UVRAG: variants seen among roughly 807,000 people sequenced by gnomAD.
UVRAG encodes UV radiation resistance associated, also known as UV radiation resistance-associated gene protein.
Under a neutral mutation model 78.0 loss-of-function variants are expected in UVRAG, and 19 were observed. That is an observed-to-expected ratio of 0.24 (90% CI 0.17 to 0.36). UVRAG has a LOEUF of 0.36. UVRAG is among the 10% of genes least tolerant of loss of function. The pLI, the probability that UVRAG is intolerant of heterozygous loss-of-function variation, is 1.00. For missense variants in UVRAG, 740 were observed against 853.8 expected, an observed-to-expected ratio of 0.87 and a Z score of 1.66; for synonymous variants, 323 against 324.6, an observed-to-expected ratio of 1.00 and a Z score of 0.05.
chr11:76,092,287 G>T (rs182149193), intron 13 of UVRAG, among the ~76,000 whole-genome samples: 3 of 152,066 alleles, frequency 2.0e-5, no homozygotes, highest in Non-Finnish European at 4.4e-5. Context: ...GAATAGTGCC[G>T]CAGTAAACAT....
chr11:76,067,104 T>C (rs1482255025), intron 13 of UVRAG, among the ~76,000 whole-genome samples: 1 of 152,140 alleles, frequency 6.6e-6, no homozygotes. Context: ...TTTTTTTAAT[T>C]TGTTTTTTAT....
At chr11:76,135,807 C>T (rs148919034) in intron 14 of UVRAG, among the ~76,000 whole-genome samples, 4 of 152,240 alleles carry the variant, frequency 2.6e-5, no homozygotes, top group Admixed American at 1.3e-4. Context: ...CTAGTGCCTC[C>T]GAACACACGG....
chr11:76,065,865 A>G, intron 13 of UVRAG, 77 bp downstream of exon 13: 1 of 1,360,648 alleles, frequency 7.3e-7, no homozygotes, highest in Non-Finnish European at 1.0e-6. Context: ...TTTTTTCTTT[A>G]TAAATATGCA....
chr11:75,815,604 C>A, intron 1 of UVRAG, 80 bp downstream of exon 1: 1 of 945,454 alleles, frequency 1.1e-6, no homozygotes, highest in Non-Finnish European at 1.4e-6. Context: ...GGGCTGACCC[C>A]GCGAGCCGGG....
intron 14 of UVRAG, among the ~76,000 whole-genome samples, chr11:76,129,488 A>G (rs761276351): frequency 1.8e-4 from 27 of 152,204 alleles, no homozygotes; most frequent in Non-Finnish European, 3.2e-4. Context: ...AAGTTCTGAT[A>G]TCAGAAATTG....
chr11:75,991,212 C>A (rs1051546038), intron 8 of UVRAG, among the ~76,000 whole-genome samples: 2 of 152,168 alleles, frequency 1.3e-5, no homozygotes, highest in Admixed American at 6.5e-5. Context: ...TTTGTACATA[C>A]AAGGCCTGCT....
At chr11:75,863,775 T>C (rs1217595499) in intron 3 of UVRAG, among the ~76,000 whole-genome samples, 5 of 152,218 alleles carry the variant, frequency 3.3e-5, no homozygotes, top group Admixed American at 2.6e-4. Flanking sequence ...AAAACACTTG[T>C]AGGTCCCTTT....
At chr11:76,114,476 C>A (rs186463730) in intron 13 of UVRAG, among the ~76,000 whole-genome samples, 1 of 152,158 alleles carries the variant, frequency 6.6e-6, no homozygotes, top group Non-Finnish European at 1.5e-5. Context: ...TTGAACCATG[C>A]GGCCCTGGAT....
chr11:75,913,735 T>C (rs1031108576), intron 6 of UVRAG, among the ~76,000 whole-genome samples: 2 of 152,194 alleles, frequency 1.3e-5, no homozygotes, highest in Non-Finnish European at 2.9e-5. Context: ...TTTTTGTAGA[T>C]CCTTTTAATA....
At chr11:76,061,070 G>C (rs1199238467) in intron 12 of UVRAG, among the ~76,000 whole-genome samples, 1 of 152,198 alleles carries the variant, frequency 6.6e-6, no homozygotes, top group Admixed American at 6.5e-5. Context: ...TCTAGCTAAG[G>C]GATTGTAAAT....
intron 6 of UVRAG, among the ~76,000 whole-genome samples, chr11:75,952,580 T>C (rs552163763): frequency 4.6e-5 from 7 of 152,132 alleles, no homozygotes; most frequent in South Asian, 4.1e-4. Flanking sequence ...ACCAACCTTG[T>C]ATAGTATTTG....
chr11:75,923,094 G>T (rs1948015580), intron 6 of UVRAG, among the ~76,000 whole-genome samples: 1 of 148,612 alleles, frequency 6.7e-6, no homozygotes, highest in Non-Finnish European at 1.5e-5. Context: ...GAGTGCAATG[G>T]CTCGATCTTG....
intron 8 of UVRAG, among the ~76,000 whole-genome samples, chr11:76,003,374 C>T (rs1215283523): frequency 7.3e-5 from 10 of 137,448 alleles, no homozygotes; most frequent in Non-Finnish European, 1.1e-4. Context: ...CAGGTTCAAG[C>T]GATTTCCAGC....
At chr11:75,837,954 T>A (rs1945820893) in intron 1 of UVRAG, among the ~76,000 whole-genome samples, 2 of 152,188 alleles carry the variant, frequency 1.3e-5, no homozygotes, top group Admixed American at 6.5e-5. Flanking sequence ...AGTTTGAGGC[T>A]GCAGTGGGCT....
chr11:76,137,500 A>C (rs1212106637), intron 14 of UVRAG: 1 of 455,562 alleles, frequency 2.2e-6, no homozygotes, highest in Non-Finnish European at 4.4e-6. Context: ...ATCTCATAGA[A>C]CTAAAAATGG....
intron 11 of UVRAG, among the ~76,000 whole-genome samples, chr11:76,011,352 G>A (rs1950047126): frequency 1.3e-5 from 2 of 152,160 alleles, no homozygotes; most frequent in South Asian, 2.1e-4. Context: ...GGCCGGGTGC[G>A]GTGGCTCACG....
intron 12 of UVRAG, among the ~76,000 whole-genome samples, chr11:76,028,440 G>T (rs1266030371): frequency 1.3e-5 from 2 of 152,138 alleles, no homozygotes; most frequent in African/African-American, 2.4e-5. Flanking sequence ...TGAGCTTAAT[G>T]AGGAAAGAAT....
intron 6 of UVRAG, among the ~76,000 whole-genome samples, chr11:75,915,806 G>A (rs1947838001): frequency 1.3e-5 from 2 of 152,104 alleles, no homozygotes; most frequent in South Asian, 4.1e-4. Flanking sequence ...AAGTCCTATT[G>A]ATAGGGAATT....
chr11:75,932,273 A>T (rs992559254), intron 6 of UVRAG, among the ~76,000 whole-genome samples: 6 of 149,188 alleles, frequency 4.0e-5, no homozygotes, highest in Non-Finnish European at 8.9e-5. Flanking sequence ...ATCTTTATTT[A>T]TTTATTTATT....
Sources: allele counts gnomAD v4.1 joint callset (sites outside exome capture counted in the v4.1 genomes callset), GRCh38; gene constraint gnomAD v4.1.1; transcripts MANE v1.5; gene names NCBI Gene and HGNC (gene_info 2026-07-23, HGNC 2026-07-21).